The following LEPR variants were observed in gnomAD, a reference collection of about 807,000 sequenced individuals.
LEPR encodes OB receptor.
A neutral mutation model predicts 114.7 loss-of-function variants in LEPR; 56 were observed. The ratio of observed to expected loss-of-function variants is 0.49; its 90% CI spans 0.39 to 0.61. The LOEUF (loss-of-function observed/expected upper bound fraction) is 0.61. Among genes scored for constraint, LEPR ranks in the 20% least tolerant of loss-of-function variants. LEPR has a pLI of 0.00. For missense variants in LEPR, 1,202 were observed against 1,352.9 expected (o/e 0.89, Z 1.75); for synonymous variants, 443 against 461.4 (o/e 0.96, Z 0.51).
intron 2 of LEPR, among the ~76,000 whole-genome samples, chr1:65,448,557 T>C (rs1303780113): frequency 6.6e-6 from 1 of 152,248 alleles, no homozygotes; most frequent in Non-Finnish European, 1.5e-5. Context: ...AAGTATTCCC[T>C]CTGCTTCTGT....
chr1:65,594,413 G>A (rs564006001), intron 6 of LEPR, among the ~76,000 whole-genome samples: 40 of 152,040 alleles, frequency 2.6e-4, no homozygotes, highest in Non-Finnish European at 4.9e-4. Context: ...GAACTGTTTT[G>A]GTTTGGATCT....
intron 2 of LEPR, among the ~76,000 whole-genome samples, chr1:65,523,890 G>A (rs1469018486): frequency 6.6e-6 from 1 of 152,124 alleles, no homozygotes; most frequent in Non-Finnish European, 1.5e-5. Context: ...TTATCTGGTT[G>A]GTCCCTAAAT....
At chr1:65,520,851 A>C (rs766567511) in intron 2 of LEPR, among the ~76,000 whole-genome samples, 1 of 152,242 alleles carries the variant, frequency 6.6e-6, no homozygotes, top group African/African-American at 2.4e-5. Flanking sequence ...TGCAGCATGA[A>C]TATGTCCTTA....
At chr1:65,425,465 C>A in intron 2 of LEPR, 87 bp downstream of exon 2, 1 of 1,152,004 alleles carries the variant, frequency 8.7e-7, no homozygotes, top group Non-Finnish European at 1.2e-6. Flanking sequence ...GTCAATTTAG[C>A]ACCAAGTTCT....
At chr1:65,465,181 T>C (rs1646994477) in intron 2 of LEPR, among the ~76,000 whole-genome samples, 1 of 152,220 alleles carries the variant, frequency 6.6e-6, no homozygotes, top group Non-Finnish European at 1.5e-5. Flanking sequence ...AATTTCCCTC[T>C]ACACACTGCT....
At chr1:65,543,827 A>G (rs1362703465) in intron 2 of LEPR, among the ~76,000 whole-genome samples, 1 of 151,888 alleles carries the variant, frequency 6.6e-6, no homozygotes, top group African/African-American at 2.4e-5. Flanking sequence ...ATTGGCCTAT[A>G]TATCTGTTTT....
At chr1:65,589,414 A>C (rs1465696123) in intron 5 of LEPR, among the ~76,000 whole-genome samples, 1 of 152,000 alleles carries the variant, frequency 6.6e-6, no homozygotes, top group African/African-American at 2.4e-5. Flanking sequence ...CAACTTTTCA[A>C]TTTTGATAAA....
At chr1:65,442,209 G>T (rs7534350) in intron 2 of LEPR, among the ~76,000 whole-genome samples, 4 of 152,102 alleles carry the variant, frequency 2.6e-5, no homozygotes, top group Non-Finnish European at 4.4e-5. Flanking sequence ...CCAAAAGGTT[G>T]GTGCCTTATG....
At chr1:65,550,141 C>G (rs998507536) in intron 2 of LEPR, among the ~76,000 whole-genome samples, 4 of 152,114 alleles carry the variant, frequency 2.6e-5, no homozygotes, top group African/African-American at 9.7e-5. Context: ...TTTCGTGAAC[C>G]GCGAATGCTG....
intron 2 of LEPR, among the ~76,000 whole-genome samples, chr1:65,468,493 T>C (rs1647043124): frequency 6.6e-6 from 1 of 152,220 alleles, no homozygotes; most frequent in African/African-American, 2.4e-5. Flanking sequence ...AAAAAATTGA[T>C]GGCAGAGCAG....
At chr1:65,481,832 AAAAC>A (rs1209751257) in intron 2 of LEPR, among the ~76,000 whole-genome samples, 2 of 150,928 alleles carry the variant, frequency 1.3e-5, no homozygotes, top group Non-Finnish European at 3.0e-5. Flanking sequence ...TAAAAAAAAA[AAAAC>A]ACCCCAGAAG....
chr1:65,634,465 A>C (rs1658642700), intron 19 of LEPR: 6 of 953,460 alleles, frequency 6.3e-6, no homozygotes, highest in Non-Finnish European at 6.2e-6. Flanking sequence ...GCATATAGTG[A>C]AATTTTTTAA....
At chr1:65,611,485 G>A (rs1657166356) in intron 14 of LEPR, among the ~76,000 whole-genome samples, 1 of 152,206 alleles carries the variant, frequency 6.6e-6, no homozygotes, top group African/African-American at 2.4e-5. Context: ...AACTTCTACA[G>A]TGAAGGACAG....
intron 5 of LEPR, among the ~76,000 whole-genome samples, chr1:65,587,093 ACTTTT>A (rs1241901351): frequency 1.3e-5 from 2 of 152,040 alleles, no homozygotes; most frequent in East Asian, 3.8e-4. Flanking sequence ...TGTGATTCTA[ACTTTT>A]CTTTTTGTCT....
intron 19 of LEPR, among the ~76,000 whole-genome samples, chr1:65,632,605 A>G (rs553856956): frequency 7.9e-5 from 12 of 152,256 alleles, no homozygotes; most frequent in Middle Eastern, 3.4e-3. Flanking sequence ...CCTTTAGCAA[A>G]TAATCTTGGC....
chr1:65,476,596 T>G (rs1481240217), intron 2 of LEPR, among the ~76,000 whole-genome samples: 2 of 152,124 alleles, frequency 1.3e-5, no homozygotes, highest in East Asian at 3.8e-4. Flanking sequence ...CCATTTCTTT[T>G]TCAAGGTCCA....
chr1:65,551,014 A>G (rs1054668691), intron 2 of LEPR, among the ~76,000 whole-genome samples: 10 of 151,922 alleles, frequency 6.6e-5, no homozygotes, highest in African/African-American at 2.4e-4. Flanking sequence ...GTGATAGATT[A>G]TGTTTATTGA....
At chr1:65,506,139 A>G (rs1278165116) in intron 2 of LEPR, among the ~76,000 whole-genome samples, 1 of 152,190 alleles carries the variant, frequency 6.6e-6, no homozygotes, top group African/African-American at 2.4e-5. Flanking sequence ...ACTTTGAAAC[A>G]TTAAGGGGAT....
chr1:65,461,029 G>T (rs1646938709), intron 2 of LEPR, among the ~76,000 whole-genome samples: 1 of 146,634 alleles, frequency 6.8e-6, no homozygotes, highest in South Asian at 2.2e-4. Flanking sequence ...AGGCCAGAGT[G>T]CAATGGTGGA....
Sources: allele counts gnomAD v4.1 joint callset (sites outside exome capture counted in the v4.1 genomes callset), GRCh38; gene constraint gnomAD v4.1.1; transcripts MANE v1.5; gene names NCBI Gene and HGNC (gene_info 2026-07-23, HGNC 2026-07-21).